MMP3: variants seen among roughly 807,000 people sequenced by gnomAD.
MMP3 encodes the protein stromelysin-1.
In MMP3, 46 loss-of-function variants were observed where a neutral mutation model predicts 47.3. That is an observed-to-expected ratio of 0.97 (90% CI 0.77 to 1.24). The LOEUF (loss-of-function observed/expected upper bound fraction) is 1.24, where lower values mean the gene tolerates loss of function less well. MMP3 is among the 50% of genes most tolerant of loss of function. The probability of loss-of-function intolerance (pLI) is 0.00; values close to 1 mark genes in which losing one functional copy is unlikely to be tolerated. For missense variants in MMP3, 558 were observed against 565.5 expected, an observed-to-expected ratio of 0.99 and a Z score of 0.13; for synonymous variants, 216 against 206.5, an observed-to-expected ratio of 1.05 and a Z score of -0.39.
rs1440053590 is a variant in MMP3 at position 102,836,151 on chromosome 11, T to C, written c.1409A>G (p.Lys470Arg). The C allele has an allele frequency of 1.5e-5, 24 of 1,613,782 alleles. No individual in the cohort carries two copies. Among genetic ancestry groups the C allele is most frequent in the Non-Finnish European group, 1.9e-5 (22 of 1,179,766 alleles). Residue 470 changes from lysine to arginine, a missense_variant, in exon 10 of 10, where the codon AAG (lysine) becomes AGG (arginine). Lys to Arg is a conservative substitution (Grantham distance 26). Transcript: ENST00000299855. This position sits in a 1 kb window ranked among gnomAD's most constrained non-coding sequence, Gnocchi z 4.6. ...TCAACAATTAAGCCAGCTGTTACTC[T>C]TCAAAGTGTGTGTCACTTTCTTTGC... ...PNAKKVTHTL[K>R]SNSWLNC
rs552851744 is a variant in MMP3, at chr11:102,839,135, G to T, written c.1044C>A (p.Ser348Arg). Residue 348 changes from serine (S) to arginine (R), a missense_variant, in exon 7 of 10, where the codon AGC becomes AGA. Coordinates refer to ENST00000299855, the MANE Select transcript of MMP3 (RefSeq NM_002422.5). ...SGVDAAYEVT[S>R]KDLVFIFKGN... The stretch of plus-strand genomic sequence containing the variant: ...CTTTAAAAATGAAAACGAGGTCCTT[G>T]CTAGTAACTTCATATGCGGCATCCA... 1 of 1,613,920 alleles carries T rather than the reference G, an allele frequency of 6.2e-7. No homozygotes were observed. Among genetic ancestry groups the T allele is most frequent in the African/African-American group, 1.3e-5 (1 of 75,006 alleles).
At chr11:102,839,036 A>G in intron 7 of MMP3, 74 bp downstream of exon 7, 2 of 1,534,584 alleles carry the variant, frequency 1.3e-6, no homozygotes, top group Non-Finnish European at 1.8e-6. Context: ...TAGTAGGGAA[A>G]ATTAAAGTGT....
Position 102,842,288 on chromosome 11 carries a change from A to C in MMP3, c.500-9T>G. 1 of 1,593,618 alleles carries C rather than the reference A, an allele frequency of 6.3e-7. No homozygotes were observed. Among genetic ancestry groups the C allele is most frequent in the African/African-American group, 1.4e-5 (1 of 73,698 alleles). On this transcript the variant is annotated splice_polypyrimidine_tract_variant and intron_variant, in intron 3 of 9. Transcript: ENST00000299855. ...GTAAAAGTCTCCATGTTCTAGTAGG[A>C]AAAAAATTTATTGGAAAGATATGTA...
chr11:102,835,878 G>C lies in MMP3; in HGVS notation c.*248C>G. On this transcript the variant is annotated 3_prime_UTR_variant, in exon 10 of 10. Coordinates refer to ENST00000299855, the MANE Select transcript of MMP3 (RefSeq NM_002422.5). ...ACAGTCACTTGTCTGTTGCACACGA[G>C]TGCTTCCCCTTCTCTTGGGAAAGAT... The C allele has an allele frequency of 2.3e-6, 1 of 439,288 alleles. No homozygotes were observed. The highest frequency in any genetic ancestry group is 3.6e-5 in the Admixed American group (1 of 27,454). The allele number at this position is 439,288 out of a possible 1,614,324, so 27.2% of individuals were successfully genotyped here.
At chr11:102,843,070 CA>C (rs1446403057) in intron 1 of MMP3, among the ~76,000 whole-genome samples, 154 bp from the exon 2 acceptor site, 1 of 151,018 alleles carries the variant, frequency 6.6e-6, no homozygotes, top group African/African-American at 2.4e-5. Context: ...ATGATACTAG[CA>C]ACACAAATAT....
intron 6 of MMP3, 32 bp from the exon 7 acceptor site, chr11:102,839,275 A>G: frequency 6.2e-7 from 1 of 1,612,144 alleles, no homozygotes; most frequent in African/African-American, 1.3e-5. Flanking sequence ...ATGTAAATTG[A>G]AAAACAATCT....
In MMP3 at chr11:102,840,158, G is replaced by A. The variant is rs782214667; in HGVS notation, c.885C>T (p.Ser295=). 41 of 1,613,984 alleles carry A rather than the reference G, an allele frequency of 2.5e-5. No homozygotes were observed. The Middle Eastern group carries it at 9.9e-4, about 39-fold the overall frequency. Residue 295 remains serine (S), a synonymous_variant, in exon 6 of 10, where the codon TCC becomes TCT. Transcript: ENST00000299855. ...CCCTCAGAGTGCTGACAGCATCAAA[G>A]GACAAAGCAGGATCACAGTTGGCTG... ...GTPANCDPAL[S]FDAVSTLRGE...
At position 102,838,791 on chromosome 11, in the gene MMP3, T is replaced by A. The variant is rs646910; in HGVS notation, c.1070-81A>T. ...GCTTTAGAAATACACTTTAGCATCT[T>A]TGATTTTCATGGTAAAGTAGTAGCC... On this transcript the variant is annotated intron_variant, in intron 7 of 9. Transcript: ENST00000299855. 0.12 allele frequency: 176,790 copies of A among 1,440,300 alleles called. 12,316 individuals are homozygous for A. The highest frequency in any genetic ancestry group is 0.13 in the Middle Eastern group (713 of 5,312). The allele number at this position is 1,440,300 out of a possible 1,614,324, so 89.2% of individuals were successfully genotyped here.
At position 102,836,216 on chromosome 11, in the gene MMP3, A is replaced by G. The variant is rs1858878742; in HGVS notation, c.1344T>C (p.Tyr448=). The G allele has an allele frequency of 1.2e-6, 2 of 1,612,862 alleles. 1 individual carries two copies. The highest frequency in any genetic ancestry group is 2.2e-5 in the South Asian group (2 of 91,012). The change falls in exon 10 of 10, where the codon TAT becomes TAC. Residue 448 remains tyrosine, a synonymous_variant. Transcript: ENST00000299855. The surrounding 1 kb of genome is among the most constrained non-coding windows in gnomAD (Gnocchi z 4.6). ...CCAACTGTGAAGATCCAGTAAAGAA[A>G]TAAAAGAACCCTGCAAATACAGACA... ...DAVFEEFGFF[Y]FFTGSSQLEF...
chr11:102,843,310 C>T, intron 1 of MMP3, 132 bp downstream of exon 1: 1 of 689,656 alleles, frequency 1.5e-6, no homozygotes, highest in Non-Finnish European at 2.6e-6. Flanking sequence ...TTCCAACACT[C>T]TATAACTCTC....
At chr11:102,839,081 A>G (rs377158406) in intron 7 of MMP3, 29 bp downstream of exon 7, 1 of 1,596,388 alleles carries the variant, frequency 6.3e-7, no homozygotes, top group East Asian at 2.2e-5. Flanking sequence ...TACTTTGGCA[A>G]GTTAAACAAA....
chr11:102,836,843 A>C lies in MMP3; in HGVS notation c.1333+455T>G. 4.4e-6 allele frequency: 1 copy of C among 227,468 alleles called. No homozygotes were observed. The highest frequency in any genetic ancestry group is 1.2e-4 in the East Asian group (1 of 8,286). 14.1% of individuals were successfully genotyped at this position (227,468 alleles called of 1,614,324 possible). A position where few individuals can be genotyped will look rare whatever the true frequency, so the allele number is the denominator to read the frequency against. ...ATGGAAAGGTAAGTATTTGCAAATG[A>C]CTGGCATGGGCAATGACTGACAACT... On this transcript the variant is annotated intron_variant, in intron 9 of 9. Coordinates refer to ENST00000299855, the MANE Select transcript of MMP3 (RefSeq NM_002422.5). This position sits in a 1 kb window ranked among gnomAD's most constrained non-coding sequence, Gnocchi z 4.6.
rs1252241778 is a variant in MMP3, at chr11:102,835,819, G to A, written c.*307C>T. 1.8e-5 allele frequency: 4 copies of A among 217,162 alleles called. No homozygotes were observed. The highest frequency in any genetic ancestry group is 5.1e-5 in the Admixed American group (1 of 19,536). 13.5% of individuals were successfully genotyped at this position (217,162 alleles called of 1,614,324 possible). On this transcript the variant is annotated 3_prime_UTR_variant, in exon 10 of 10. Coordinates refer to ENST00000299855, the MANE Select transcript of MMP3 (RefSeq NM_002422.5). ...AATAAGATAAAATAACTGACAAATCGTCTTTATTAAATAAGCAAATAGTCT... is the reference window on the plus strand; with the variant it reads ...AATAAGATAAAATAACTGACAAATCATCTTTATTAAATAAGCAAATAGTCT...
In MMP3 at chr11:102,840,162, A is replaced by C. The variant is rs375381761; in HGVS notation, c.881T>G (p.Leu294Trp). ...PGTPANCDPALSFDAVSTLRG... is the reference protein window; with the variant it reads ...PGTPANCDPAWSFDAVSTLRG... ...CAGAGTGCTGACAGCATCAAAGGAC[A>C]AAGCAGGATCACAGTTGGCTGGCGT... The change falls in exon 6 of 10, where the codon TTG becomes TGG. Residue 294 changes from leucine (L) to tryptophan (W), a missense_variant. Leu to Trp is a moderately conservative substitution (Grantham distance 61). Coordinates refer to ENST00000299855, the MANE Select transcript of MMP3 (RefSeq NM_002422.5). 1.4e-5 allele frequency: 22 copies of C among 1,614,004 alleles called. No homozygotes were observed. Among genetic ancestry groups the C allele is most frequent in the Non-Finnish European group, 1.7e-5 (20 of 1,180,004 alleles).
In MMP3 at chr11:102,837,485, A is replaced by G. The variant is rs1337261871; in HGVS notation, c.1230-84T>C. Reference sequence around the variant, plus strand: ...TAGATCATGTTAGGTTTAATGTGGAATTTTACTAAACTTTATAAATACTGC... The same window carrying G: ...TAGATCATGTTAGGTTTAATGTGGAGTTTTACTAAACTTTATAAATACTGC... On this transcript the variant is annotated intron_variant, in intron 8 of 9. Coordinates refer to ENST00000299855, the MANE Select transcript of MMP3 (RefSeq NM_002422.5). This position sits in a 1 kb window ranked among gnomAD's most constrained non-coding sequence, Gnocchi z 4.4. 1 of 990,266 alleles carries G rather than the reference A, an allele frequency of 1.0e-6. No homozygotes were observed. Among genetic ancestry groups the G allele is most frequent in the Non-Finnish European group, 1.6e-6 (1 of 640,970 alleles). 61.3% of individuals were successfully genotyped at this position (990,266 alleles called of 1,614,324 possible). A position where few individuals can be genotyped will look rare whatever the true frequency, so the allele number is the denominator to read the frequency against.
At chr11:102,843,055 A>G (rs949716889) in intron 1 of MMP3, 139 bp from the exon 2 acceptor site, 8 of 741,858 alleles carry the variant, frequency 1.1e-5, no homozygotes, top group East Asian at 2.8e-5. Flanking sequence ...GGCAAATTTT[A>G]TAATATGATA....
intron 7 of MMP3, 89 bp downstream of exon 7, chr11:102,839,021 A>G: frequency 7.0e-7 from 1 of 1,425,496 alleles, no homozygotes; most frequent in South Asian, 1.3e-5. Context: ...ATTAGCCAGA[A>G]CTTGTAGTAG....
At position 102,836,005 on chromosome 11, in the gene MMP3, T is replaced by G; in HGVS notation, c.*121A>C. 1.4e-6 allele frequency: 1 copy of G among 725,030 alleles called. No individual in the cohort carries two copies. The highest frequency in any genetic ancestry group is 1.9e-5 in the South Asian group (1 of 52,320). The allele number at this position is 725,030 out of a possible 1,614,324, so 44.9% of individuals were successfully genotyped here. ...ATACAGATTCACGCTCAAGTTCCCTTGAGTGTGACTCGAGTCACAGCACAG... is the reference window on the plus strand; with the variant it reads ...ATACAGATTCACGCTCAAGTTCCCTGGAGTGTGACTCGAGTCACAGCACAG... On this transcript the variant is annotated 3_prime_UTR_variant, in exon 10 of 10. Coordinates refer to ENST00000299855, the MANE Select transcript of MMP3 (RefSeq NM_002422.5). This position sits in a 1 kb window ranked among gnomAD's most constrained non-coding sequence, Gnocchi z 4.6.
Position 102,839,220 on chromosome 11 carries a change from C to T in MMP3, c.959G>A (p.Arg320Lys). 6.2e-7 allele frequency: 1 copy of T among 1,614,004 alleles called. No homozygotes were observed. Residue 320 changes from arginine to lysine, a missense_variant, in exon 7 of 10, where the codon AGG (arginine) becomes AAG (lysine). Arg to Lys is a conservative substitution (Grantham distance 26). Transcript: ENST00000299855. Reference sequence around the variant, plus strand: ...CAAATGCAATTCAGGTTCAAGCTTCCTGAGGGATTTGCGCCAAAAGTGCCT... The same window carrying T: ...CAAATGCAATTCAGGTTCAAGCTTCTTGAGGGATTTGCGCCAAAAGTGCCT... ...KDRHFWRKSL[R>K]KLEPELHLIS...
Sources: gnomAD v4.1 joint callset for allele counts (sites outside exome capture counted in the v4.1 genomes callset) on GRCh38, gnomAD v4.1.1 for gene constraint, Gnocchi (gnomAD v3.1) non-coding constraint, MANE v1.5 for transcripts, NCBI Gene and HGNC (gene_info 2026-07-23, HGNC 2026-07-21) for gene names.